Variants in GALNT17 observed in about 807,000 individuals in gnomAD.
The protein encoded by GALNT17 is polypeptide N-acetylgalactosaminyltransferase 17.
A neutral mutation model predicts 63.7 loss-of-function variants in GALNT17; 29 were observed. That is an observed-to-expected ratio of 0.46 (90% CI 0.34 to 0.62). The LOEUF (loss-of-function observed/expected upper bound fraction) is 0.62, where lower values mean the gene tolerates loss of function less well. GALNT17 is among the 20% of genes least tolerant of loss of function. The probability of loss-of-function intolerance (pLI) is 0.01; values close to 1 mark genes in which losing one functional copy is unlikely to be tolerated. For missense variants in GALNT17, 603 were observed against 799.6 expected (o/e 0.75, Z 2.97); for synonymous variants, 305 against 318.3 (o/e 0.96, Z 0.45).
At chr7:71,353,107 GTTA>G (rs988050035) in intron 2 of GALNT17, among the ~76,000 whole-genome samples, 5 of 151,712 alleles carry the variant, frequency 3.3e-5, no homozygotes, top group African/African-American at 4.8e-5. Flanking sequence ...GTCAAAGGAG[GTTA>G]TTATTATTAT....
intron 1 of GALNT17, among the ~76,000 whole-genome samples, chr7:71,296,445 T>A (rs772176111): frequency 7.4e-4 from 113 of 152,048 alleles, no homozygotes; most frequent in Middle Eastern, 3.4e-3. Flanking sequence ...GCCAACCCCG[T>A]CTCTACTAAA....
intron 2 of GALNT17, among the ~76,000 whole-genome samples, chr7:71,353,107 G>GTTA (rs988050035): frequency 2.6e-5 from 4 of 151,720 alleles, no homozygotes; most frequent in Admixed American, 2.0e-4. Flanking sequence ...GTCAAAGGAG[G>GTTA]TTATTATTAT....
At chr7:71,229,487 G>T (rs1335224587) in intron 1 of GALNT17, among the ~76,000 whole-genome samples, 1 of 152,194 alleles carries the variant, frequency 6.6e-6, no homozygotes, top group Non-Finnish European at 1.5e-5. Context: ...TGCATGGTTT[G>T]GTGGTGGTTG....
chr7:71,255,952 C>T (rs538448799), intron 1 of GALNT17, among the ~76,000 whole-genome samples: 44 of 152,272 alleles, frequency 2.9e-4, no homozygotes, highest in Middle Eastern at 6.8e-3. Flanking sequence ...GCTGGACATA[C>T]CTCATTATAC....
intron 2 of GALNT17, among the ~76,000 whole-genome samples, chr7:71,384,322 A>AG (rs1252157806): frequency 2.0e-5 from 3 of 152,122 alleles, no homozygotes; most frequent in African/African-American, 7.2e-5. Context: ...GACCTTGGGA[A>AG]GGGTGTCTGG....
At chr7:71,376,821 C>G (rs981218338) in intron 2 of GALNT17, among the ~76,000 whole-genome samples, 1 of 151,408 alleles carries the variant, frequency 6.6e-6, no homozygotes, top group African/African-American at 2.4e-5. Flanking sequence ...GTCATGGTGT[C>G]GTGCCTGTAA....
chr7:71,162,721 G>T (rs1173420296), intron 1 of GALNT17, among the ~76,000 whole-genome samples: 1 of 152,202 alleles, frequency 6.6e-6, no homozygotes, highest in African/African-American at 2.4e-5. Flanking sequence ...CCTCAGTCTA[G>T]TGGAGGACAC....
At chr7:71,145,377 T>A (rs1787998133) in intron 1 of GALNT17, among the ~76,000 whole-genome samples, 1 of 151,834 alleles carries the variant, frequency 6.6e-6, no homozygotes, top group South Asian at 2.1e-4. Flanking sequence ...ACACCTGGAG[T>A]CCCAGCTACT....
intron 3 of GALNT17, among the ~76,000 whole-genome samples, chr7:71,412,768 T>G (rs148731938): frequency 2.6e-5 from 4 of 152,288 alleles, no homozygotes; most frequent in African/African-American, 9.6e-5. Context: ...TCTGGCTAAG[T>G]GTGGTGGCTC....
At chr7:71,429,345 G>C (rs1563086090) in intron 5 of GALNT17, among the ~76,000 whole-genome samples, 1 of 152,168 alleles carries the variant, frequency 6.6e-6, no homozygotes, top group Non-Finnish European at 1.5e-5. Context: ...CATGCTGTCT[G>C]ACTCACATTT....
intron 5 of GALNT17, among the ~76,000 whole-genome samples, chr7:71,444,816 C>G (rs749203743): frequency 6.6e-6 from 1 of 152,144 alleles, no homozygotes; most frequent in African/African-American, 2.4e-5. Context: ...CAGCGAGACT[C>G]TGTCTCAAGG....
chr7:71,246,120 T>TTG (rs1044026245), intron 1 of GALNT17, among the ~76,000 whole-genome samples: 6 of 135,948 alleles, frequency 4.4e-5, no homozygotes, highest in African/African-American at 1.7e-4. Context: ...TCGTTGTTTT[T>TTG]TTTTTTTTTT....
At chr7:71,398,539 C>T (rs1278019458) in intron 3 of GALNT17, among the ~76,000 whole-genome samples, 2 of 152,136 alleles carry the variant, frequency 1.3e-5, no homozygotes, top group Admixed American at 6.5e-5. Flanking sequence ...TTTCTCCCTG[C>T]ATAGTCTGTT....
chr7:71,461,822 A>T (rs553898990), intron 5 of GALNT17, among the ~76,000 whole-genome samples: 71 of 152,206 alleles, frequency 4.7e-4, no homozygotes, highest in African/African-American at 1.7e-3. Flanking sequence ...AGGTCGGCTC[A>T]TCTTGGCGCT....
chr7:71,417,440 T>G (rs982627681), intron 4 of GALNT17, among the ~76,000 whole-genome samples: 1 of 152,138 alleles, frequency 6.6e-6, no homozygotes, highest in Non-Finnish European at 1.5e-5. Flanking sequence ...CTGCATGTCT[T>G]CAGCCCTCAT....
At chr7:71,273,858 A>G (rs62457834) in intron 1 of GALNT17, among the ~76,000 whole-genome samples, 1 of 116,450 alleles carries the variant, frequency 8.6e-6, no homozygotes, top group East Asian at 2.6e-4. Context: ...TGTGTGTGAG[A>G]GAGAGAGAGA....
At chr7:71,337,708 A>G (rs1791933841) in intron 2 of GALNT17, among the ~76,000 whole-genome samples, 1 of 151,926 alleles carries the variant, frequency 6.6e-6, no homozygotes, top group Non-Finnish European at 1.5e-5. Flanking sequence ...TCTCTACTAA[A>G]AATACAAAAA....
At position 71,133,016 on chromosome 7, in the gene GALNT17, G is replaced by A; in HGVS notation, c.214G>A (p.Asp72Asn). 6.3e-7 allele frequency: 1 copy of A among 1,590,642 alleles called. No homozygotes were observed. Among genetic ancestry groups the A allele is most frequent in the Non-Finnish European group, 8.6e-7 (1 of 1,169,310 alleles). Residue 72 changes from aspartate to asparagine, a missense_variant, in exon 1 of 11, where the codon GAC (aspartate) becomes AAC (asparagine). Asp to Asn is a conservative substitution (Grantham distance 23). Transcript: ENST00000333538. Reference protein sequence around the residue: ...AVLKRLSLLEDIVYRQLNGLS... With the variant: ...AVLKRLSLLENIVYRQLNGLS... ...CCTGAAGCGCCTGTCGCTGCTGGAGGACATCGTGTACCGGCAGCTGAATGG... is the reference window on the plus strand; with the variant it reads ...CCTGAAGCGCCTGTCGCTGCTGGAGAACATCGTGTACCGGCAGCTGAATGG...
chr7:71,428,859 C>G (rs529677054), intron 5 of GALNT17, among the ~76,000 whole-genome samples: 4 of 152,212 alleles, frequency 2.6e-5, no homozygotes, highest in Non-Finnish European at 5.9e-5. Context: ...CAGGGCTCCC[C>G]TGTGTTCCAG....
Sources: allele counts gnomAD v4.1 joint callset (sites outside exome capture counted in the v4.1 genomes callset), GRCh38; gene constraint gnomAD v4.1.1; transcripts MANE v1.5; gene names NCBI Gene and HGNC (gene_info 2026-07-23, HGNC 2026-07-21).